SLC8A1: variants seen among roughly 807,000 people sequenced by gnomAD.
The protein encoded by SLC8A1 is solute carrier family 8 member A1.
A neutral mutation model predicts 68.3 loss-of-function variants in SLC8A1; 18 were observed. The ratio of observed to expected loss-of-function variants is 0.26; its 90% CI spans 0.18 to 0.39. The LOEUF (loss-of-function observed/expected upper bound fraction) is 0.39. SLC8A1 is among the 10% of genes least tolerant of loss of function. The pLI, the probability that SLC8A1 is intolerant of heterozygous loss-of-function variation, is 1.00. For missense variants in SLC8A1, 985 were observed against 1,156.7 expected, an observed-to-expected ratio of 0.85 and a Z score of 2.15; for synonymous variants, 475 against 415.5, an observed-to-expected ratio of 1.14 and a Z score of -1.74.
intron 2 of SLC8A1, among the ~76,000 whole-genome samples, chr2:40,287,579 ATGATGTGTGTGTGTGTGTGTG>A (rs914204320): frequency 3.6e-5 from 3 of 83,536 alleles, no homozygotes; most frequent in African/African-American, 1.1e-4. Context: ...TGGCAGAGGA[ATGATGTGTGTGTGTGTGTGTG>A]TGTGTGTGTG....
chr2:40,171,551 GATAC>G (rs566123855), intron 4 of SLC8A1, among the ~76,000 whole-genome samples: 9 of 152,276 alleles, frequency 5.9e-5, no homozygotes, highest in African/African-American at 2.2e-4. Context: ...GAATTTATTA[GATAC>G]ATGTGGGTTT....
At chr2:40,424,972 A>G (rs1257096931) in intron 2 of SLC8A1, among the ~76,000 whole-genome samples, 2 of 151,856 alleles carry the variant, frequency 1.3e-5, no homozygotes, top group Non-Finnish European at 3.0e-5. Context: ...ACAATCATTA[A>G]CAGCACTTCA....
At chr2:40,276,578 G>A (rs947266386) in intron 2 of SLC8A1, among the ~76,000 whole-genome samples, 3 of 152,136 alleles carry the variant, frequency 2.0e-5, no homozygotes, top group Admixed American at 6.5e-5. Context: ...CAAAGCAACT[G>A]AGTGACTTCT....
chr2:40,150,476 C>A (rs2043214675), intron 6 of SLC8A1, among the ~76,000 whole-genome samples: 1 of 152,112 alleles, frequency 6.6e-6, no homozygotes, highest in African/African-American at 2.4e-5. Flanking sequence ...ATGAAAAGTC[C>A]CCTCATGCCT....
intron 2 of SLC8A1, among the ~76,000 whole-genome samples, chr2:40,355,604 A>T (rs1672419044): frequency 6.6e-6 from 1 of 152,090 alleles, no homozygotes; most frequent in East Asian, 1.9e-4. Context: ...CCACACTCTT[A>T]CTGATTACCA....
chr2:40,358,071 A>C (rs949486077), intron 2 of SLC8A1, among the ~76,000 whole-genome samples: 1 of 148,332 alleles, frequency 6.7e-6, no homozygotes, highest in African/African-American at 2.5e-5. Context: ...AAAAAAAAAA[A>C]GGTGGCGGTG....
intron 2 of SLC8A1, among the ~76,000 whole-genome samples, chr2:40,261,929 T>C (rs763608840): frequency 2.0e-5 from 3 of 152,134 alleles, no homozygotes; most frequent in Non-Finnish European, 4.4e-5. Context: ...TGCTCCACAA[T>C]TGTAAGCTCC....
intron 2 of SLC8A1, among the ~76,000 whole-genome samples, chr2:40,262,738 G>T (rs2064872060): frequency 6.6e-6 from 1 of 152,162 alleles, no homozygotes; most frequent in Non-Finnish European, 1.5e-5. Context: ...TGCATATATG[G>T]TTGGAACTGG....
intron 1 of SLC8A1, among the ~76,000 whole-genome samples, chr2:40,510,748 T>C (rs1483392967): frequency 6.6e-6 from 1 of 152,168 alleles, no homozygotes; most frequent in Non-Finnish European, 1.5e-5. Context: ...TATTTTTAAG[T>C]AAAATAGCCT....
chr2:40,282,135 T>A (rs1224036931), intron 2 of SLC8A1, among the ~76,000 whole-genome samples: 34 of 152,188 alleles, frequency 2.2e-4, no homozygotes. Context: ...AATGCCACTT[T>A]TTCTGACTTT....
intron 1 of SLC8A1, among the ~76,000 whole-genome samples, chr2:40,503,685 A>G (rs1295571024): frequency 2.0e-5 from 3 of 152,166 alleles, no homozygotes; most frequent in East Asian, 3.9e-4. Flanking sequence ...AAAAAGAAAT[A>G]AAAAGTAATC....
At chr2:40,348,550 T>G (rs1670054699) in intron 2 of SLC8A1, among the ~76,000 whole-genome samples, 1 of 152,174 alleles carries the variant, frequency 6.6e-6, no homozygotes, top group African/African-American at 2.4e-5. Context: ...ACAAATATAA[T>G]GCATTTTATC....
intron 2 of SLC8A1, among the ~76,000 whole-genome samples, chr2:40,397,396 T>A (rs1428416762): frequency 2.6e-5 from 4 of 152,190 alleles, no homozygotes; most frequent in African/African-American, 4.8e-5. Flanking sequence ...CATTCCATAG[T>A]CAAAGCTCAT....
At chr2:40,264,030 G>C (rs2065042044) in intron 2 of SLC8A1, among the ~76,000 whole-genome samples, 1 of 152,166 alleles carries the variant, frequency 6.6e-6, no homozygotes, top group Non-Finnish European at 1.5e-5. Flanking sequence ...CCATCAAAAA[G>C]TAGGTGAAGG....
intron 7 of SLC8A1, among the ~76,000 whole-genome samples, chr2:40,125,793 C>G (rs1267347826): frequency 5.9e-5 from 9 of 152,112 alleles, no homozygotes; most frequent in African/African-American, 2.2e-4. Flanking sequence ...TCTACCTAAG[C>G]TGCTAAGAAT....
At chr2:40,148,944 C>G (rs2042938713) in intron 6 of SLC8A1, among the ~76,000 whole-genome samples, 1 of 152,142 alleles carries the variant, frequency 6.6e-6, no homozygotes. Context: ...CCATGGCTTT[C>G]TTGTCTCTCA....
intron 1 of SLC8A1, among the ~76,000 whole-genome samples, chr2:40,485,897 G>T (rs893236116): frequency 6.6e-6 from 1 of 152,104 alleles, no homozygotes; most frequent in Admixed American, 6.5e-5. Flanking sequence ...TTTGTTTAAA[G>T]AATAAATTGA....
chr2:40,168,218 G>C (rs555026258), intron 4 of SLC8A1, among the ~76,000 whole-genome samples: 1 of 152,232 alleles, frequency 6.6e-6, no homozygotes, highest in South Asian at 2.1e-4. Context: ...CAACTCAGTT[G>C]GCCTAAAGGG....
chr2:40,234,995 GTT>G (rs1558880798), intron 2 of SLC8A1, among the ~76,000 whole-genome samples: 1 of 152,072 alleles, frequency 6.6e-6, no homozygotes, highest in Non-Finnish European at 1.5e-5. Flanking sequence ...TGCTGGATTC[GTT>G]TTGCCAGTAT....
Sources: gnomAD v4.1 joint callset for allele counts (sites outside exome capture counted in the v4.1 genomes callset) on GRCh38, gnomAD v4.1.1 for gene constraint, MANE v1.5 for transcripts, NCBI Gene and HGNC (gene_info 2026-07-23, HGNC 2026-07-21) for gene names.